Variants in NTM observed in about 807,000 individuals in gnomAD.
NTM encodes neurotrimin.
NTM carries 13 observed loss-of-function variants against 42.1 expected under a neutral mutation model. The observed-to-expected ratio is 0.31, with a 90% CI of 0.20 to 0.49. The LOEUF is 0.49. NTM is among the 20% of genes least tolerant of loss of function. NTM has a pLI of 0.99. For synonymous variants in NTM, 187 were observed against 179.2 expected, an observed-to-expected ratio of 1.04 and a Z score of -0.35; for missense variants, 373 against 452.8, an observed-to-expected ratio of 0.82 and a Z score of 1.60.
chr11:131,945,383 C>A lies in NTM; in HGVS notation c.167+33735C>A, dbSNP rs184607747. ...TACACAGCCTTGCGTCAACCTGGAA[C>A]CCTTTATCCCACTGGGTGTGGTTAG... On this transcript the variant is annotated intron_variant, in intron 2 of 8. Coordinates refer to ENST00000683400, the MANE Select transcript of NTM (RefSeq NM_001352005.2). Among the ~76,000 whole-genome samples, 322 of 152,246 alleles carry A rather than the reference C, an allele frequency of 2.1e-3. 2 individuals are homozygous for A. The highest frequency in any genetic ancestry group is 2.6e-3 in the Non-Finnish European group (176 of 68,002).
At chr11:132,054,024 T>C (rs1413620859) in intron 2 of NTM, among the ~76,000 whole-genome samples, 2 of 152,216 alleles carry the variant, frequency 1.3e-5, no homozygotes, top group African/African-American at 4.8e-5. Context: ...AAGACCAGCC[T>C]GATCAACGTG....
chr11:131,805,769 C>T (rs1045237659), intron 1 of NTM, among the ~76,000 whole-genome samples: 6 of 152,188 alleles, frequency 3.9e-5, no homozygotes, highest in Admixed American at 3.9e-4. Context: ...ATCTTATTCA[C>T]ATTTCTCTTG....
intron 1 of NTM, among the ~76,000 whole-genome samples, chr11:131,509,042 A>AAT (rs2047897535): frequency 1.3e-5 from 2 of 151,868 alleles, no homozygotes; most frequent in African/African-American, 2.4e-5. Context: ...TAATAATAAA[A>AAT]AATAATAATA....
chr11:132,030,262 AAATTTATTAATTACT>A (rs2075747279), intron 2 of NTM, among the ~76,000 whole-genome samples: 2 of 152,188 alleles, frequency 1.3e-5, no homozygotes, highest in African/African-American at 4.8e-5. Context: ...AAATAAAATT[AAATTTATTAATTACT>A]ATTTTATTTG....
rs559488908 is a variant in NTM, at chr11:131,964,303, G to C, written c.167+52655G>C. ...TAAGGCACACATTTATTTGGAATGA[G>C]TCAGCTGGTGAAATTTCCCCCAGAC... On this transcript the variant is annotated intron_variant, in intron 2 of 8. Coordinates refer to ENST00000683400, the MANE Select transcript of NTM (RefSeq NM_001352005.2). Among the ~76,000 whole-genome samples, 3 of 152,264 alleles carry C rather than the reference G, an allele frequency of 2.0e-5. No homozygotes were observed. In the South Asian group the frequency reaches 6.2e-4, roughly 32 times the overall value.
At chr11:131,953,645 A>AT (rs2061258588) in intron 2 of NTM, among the ~76,000 whole-genome samples, 1 of 152,202 alleles carries the variant, frequency 6.6e-6, no homozygotes, top group Non-Finnish European at 1.5e-5. Context: ...CCTGGGCAAC[A>AT]TTAAATCTGG....
intron 2 of NTM, among the ~76,000 whole-genome samples, chr11:132,095,026 G>C (rs1258070388): frequency 2.0e-5 from 3 of 152,200 alleles, no homozygotes; most frequent in African/African-American, 7.2e-5. Context: ...CAGAGATGGA[G>C]ACATTCCTCA....
chr11:131,488,140 C>A (rs990349510), intron 1 of NTM, among the ~76,000 whole-genome samples: 4 of 152,198 alleles, frequency 2.6e-5, no homozygotes, highest in African/African-American at 9.6e-5. Flanking sequence ...GCTTCAGGGG[C>A]TTTTCCCATT....
At chr11:131,895,284 C>T (rs2052084776) in intron 1 of NTM, among the ~76,000 whole-genome samples, 1 of 152,166 alleles carries the variant, frequency 6.6e-6, no homozygotes, top group Non-Finnish European at 1.5e-5. Flanking sequence ...AGGCCTGGAC[C>T]TGGCATGGGC....
chr11:132,256,634 ATT>A lies in NTM; in HGVS notation c.526+44502_526+44503del, dbSNP rs11433579. 9.8e-4 allele frequency among the ~76,000 whole-genome samples: 135 copies of A among 137,290 alleles called. 1 individual carries two copies. The highest frequency in any genetic ancestry group is 3.5e-3 in the African/African-American group (130 of 37,602). 90.1% of individuals were successfully genotyped at this position (137,290 alleles called of 152,430 possible). A position where few individuals can be genotyped will look rare whatever the true frequency, so the allele number is the denominator to read the frequency against. On this transcript the variant is annotated intron_variant, in intron 4 of 8. Transcript: ENST00000683400. ...GAGCTGGCTCTCGCTCTGTTGGTTG[ATT>A]TTTTTTTTTTTTTTCCCCTGGGCTT...
chr11:131,774,731 G>A (rs2086689476), intron 1 of NTM, among the ~76,000 whole-genome samples: 1 of 152,184 alleles, frequency 6.6e-6, no homozygotes, highest in Admixed American at 6.5e-5. Flanking sequence ...TTAAGCTTAA[G>A]GTGAAGATAA....
chr11:131,538,921 CTTTTTTTTT>C (rs58463755), intron 1 of NTM, among the ~76,000 whole-genome samples: 1 of 102,390 alleles, frequency 9.8e-6, no homozygotes, highest in Non-Finnish European at 1.9e-5. Context: ...GTTAACTTAG[CTTTTTTTTT>C]TTTTTTTTTT....
At chr11:131,426,657 G>C (rs1387647756) in intron 1 of NTM, among the ~76,000 whole-genome samples, 1 of 152,144 alleles carries the variant, frequency 6.6e-6, no homozygotes, top group Admixed American at 6.5e-5. Context: ...CAGAGACCCC[G>C]ATATCCATTC....
intron 1 of NTM, among the ~76,000 whole-genome samples, chr11:131,853,096 C>T (rs909222706): frequency 6.7e-6 from 1 of 149,892 alleles, no homozygotes; most frequent in Non-Finnish European, 1.5e-5. Flanking sequence ...AGTCAATCTA[C>T]AAACATCTTT....
At chr11:132,286,962 T>C (rs2094263997) in intron 4 of NTM, among the ~76,000 whole-genome samples, 1 of 152,236 alleles carries the variant, frequency 6.6e-6, no homozygotes, top group African/African-American at 2.4e-5. Context: ...TTCTCACTCT[T>C]GAAATGACTC....
intron 1 of NTM, among the ~76,000 whole-genome samples, chr11:131,903,625 TG>T (rs2053467021): frequency 1.3e-5 from 2 of 152,332 alleles, no homozygotes; most frequent in Admixed American, 1.3e-4. Flanking sequence ...GGGCTATTTC[TG>T]TGCAGGAAGG....
intron 1 of NTM, among the ~76,000 whole-genome samples, chr11:131,560,402 A>G (rs2136993007): frequency 6.6e-6 from 1 of 152,290 alleles, no homozygotes; most frequent in East Asian, 1.9e-4. Flanking sequence ...ATATGTTCCA[A>G]CATGCCATCA....
chr11:132,086,054 G>A (rs961808839), intron 2 of NTM, among the ~76,000 whole-genome samples: 3 of 152,122 alleles, frequency 2.0e-5, no homozygotes, highest in Non-Finnish European at 4.4e-5. Context: ...GCAGGGCACG[G>A]TGGCTCACGC....
intron 1 of NTM, among the ~76,000 whole-genome samples, chr11:131,793,429 T>C (rs1350589494): frequency 4.2e-4 from 64 of 152,230 alleles, no homozygotes; most frequent in Non-Finnish European, 2.9e-5. Flanking sequence ...AGATACACTG[T>C]GCCCAATACT....
Sources: allele counts gnomAD v4.1 joint callset (sites outside exome capture counted in the v4.1 genomes callset), GRCh38; gene constraint gnomAD v4.1.1; transcripts MANE v1.5; gene names NCBI Gene and HGNC (gene_info 2026-07-23, HGNC 2026-07-21).